SHISAL1: variants seen among roughly 807,000 people sequenced by gnomAD.
The protein encoded by SHISAL1 is protein shisa-like-1.
SHISAL1 carries 9 observed loss-of-function variants against 22.6 expected under a neutral mutation model. The ratio of observed to expected loss-of-function variants is 0.40; its 90% confidence interval spans 0.24 to 0.70. The LOEUF (loss-of-function observed/expected upper bound fraction) is 0.70. Among genes scored for constraint, SHISAL1 ranks in the 30% least tolerant of loss-of-function variants. SHISAL1 has a pLI of 0.39. For missense variants in SHISAL1, 246 were observed against 270.6 expected (o/e 0.91, Z 0.64); for synonymous variants, 119 against 115.4 (o/e 1.03, Z -0.20).
chr22:44,263,368 G>A (rs1191972445), intron 4 of SHISAL1, among the ~76,000 whole-genome samples: 1 of 152,134 alleles, frequency 6.6e-6, no homozygotes, highest in South Asian at 2.1e-4. Flanking sequence ...ACTGCACCCG[G>A]CCGCCTTCAC....
chr22:44,305,581 C>A (rs3918403), intron 1 of SHISAL1, among the ~76,000 whole-genome samples: 1 of 152,114 alleles, frequency 6.6e-6, no homozygotes, highest in Non-Finnish European at 1.5e-5. Context: ...TTAGGAGTTC[C>A]AGGGACTGGG....
At chr22:44,281,673 G>A (rs1350566029) in intron 4 of SHISAL1, among the ~76,000 whole-genome samples, 1 of 152,154 alleles carries the variant, frequency 6.6e-6, no homozygotes. Context: ...TGGGCCCTCA[G>A]GGGTTGTCCT....
At chr22:44,259,378 C>T (rs2055106370) in intron 4 of SHISAL1, among the ~76,000 whole-genome samples, 1 of 151,680 alleles carries the variant, frequency 6.6e-6, no homozygotes, top group African/African-American at 2.4e-5. Context: ...GCGGAGGTTG[C>T]AGTGAGCCGA....
intron 1 of SHISAL1, among the ~76,000 whole-genome samples, chr22:44,308,967 G>A (rs2055498477): frequency 1.3e-5 from 2 of 152,250 alleles, no homozygotes; most frequent in African/African-American, 2.4e-5. Context: ...CATTCTGGGT[G>A]TGAAGCGGCT....
chr22:44,264,847 G>A (rs1198540594), intron 4 of SHISAL1, among the ~76,000 whole-genome samples: 1 of 149,728 alleles, frequency 6.7e-6, no homozygotes, highest in Non-Finnish European at 1.5e-5. Context: ...ACACACCAGA[G>A]GCCCCAGCAA....
intron 4 of SHISAL1, among the ~76,000 whole-genome samples, chr22:44,253,457 G>C (rs9614409): frequency 0.37 from 50,566 of 137,956 alleles, 10,843 homozygotes; most frequent in African/African-American, 0.6. Context: ...TTGAGACAGT[G>C]TCACTCTGTC....
At chr22:44,302,564 G>A (rs933587501) in intron 1 of SHISAL1, among the ~76,000 whole-genome samples, 22 of 152,338 alleles carry the variant, frequency 1.4e-4, no homozygotes, top group South Asian at 2.1e-4. Context: ...TGAGTGAGGC[G>A]GGAGAGGCCA....
intron 2 of SHISAL1, among the ~76,000 whole-genome samples, chr22:44,297,872 G>C (rs2055398328): frequency 6.6e-6 from 1 of 152,234 alleles, no homozygotes. Context: ...GGCTTTGCAG[G>C]AGTTCCTCCA....
chr22:44,327,001 C>G, the SHISAL1 span, among the ~76,000 whole-genome samples: 6 of 152,082 alleles, frequency 3.9e-5, no homozygotes, highest in Non-Finnish European at 5.9e-5. Flanking sequence ...GCTTGAACAT[C>G]CTTGGCCCTC....
rs547558936 is a variant in SHISAL1, at chr22:44,265,149, A to G, written c.*-15464T>C. On this transcript the variant is annotated intron_variant, in intron 4 of 4. Transcript: ENST00000381176. ...GCAGCCCTAAGATGGCCTCCAAAGA[A>G]TCTACCTTCAGCTACTCACACCCTC... Among the ~76,000 whole-genome samples, 4 of 152,276 alleles carry G rather than the reference A, an allele frequency of 2.6e-5. No individual in the cohort carries two copies. The East Asian group carries it at 7.8e-4, about 30-fold the overall frequency.
At chr22:44,304,615 C>T (rs1392281699) in intron 1 of SHISAL1, among the ~76,000 whole-genome samples, 1 of 152,210 alleles carries the variant, frequency 6.6e-6, no homozygotes, top group African/African-American at 2.4e-5. Context: ...TTGCTCTGAG[C>T]CTGGGCCTCC....
intron 4 of SHISAL1, among the ~76,000 whole-genome samples, chr22:44,273,772 T>A (rs962582673): frequency 6.6e-6 from 1 of 152,064 alleles, no homozygotes; most frequent in Admixed American, 6.5e-5. Flanking sequence ...ACCAAGGAAC[T>A]GAAACGTGGG....
At chr22:44,280,408 GGT>G (rs1312188870) in intron 4 of SHISAL1, among the ~76,000 whole-genome samples, 1 of 152,176 alleles carries the variant, frequency 6.6e-6, no homozygotes, top group Non-Finnish European at 1.5e-5. Context: ...ATCCACACAA[GGT>G]GATGAGGTGT....
intron 3 of SHISAL1, among the ~76,000 whole-genome samples, chr22:44,289,752 G>A (rs2055340675): frequency 6.6e-6 from 1 of 152,202 alleles, no homozygotes; most frequent in Admixed American, 6.5e-5. Context: ...TCAGCCAGCT[G>A]GGAAGATTCA....
At chr22:44,320,348 G>T in the SHISAL1 span, among the ~76,000 whole-genome samples, 1 of 152,184 alleles carries the variant, frequency 6.6e-6, no homozygotes. Context: ...CCTATTGCCA[G>T]CCCAGAACTG....
chr22:44,288,812 T>C (rs1461696390), intron 3 of SHISAL1, among the ~76,000 whole-genome samples: 1 of 152,204 alleles, frequency 6.6e-6, no homozygotes, highest in Admixed American at 6.5e-5. Context: ...CAGGAAGCCT[T>C]CCTTGTCAGT....
intron 4 of SHISAL1, among the ~76,000 whole-genome samples, chr22:44,251,130 TTTA>T (rs543946971): frequency 6.0e-4 from 91 of 152,320 alleles, no homozygotes; most frequent in Admixed American, 2.1e-3. Context: ...ACTTGAATAG[TTTA>T]TTGTTTGTCT....
chr22:44,265,910 C>T (rs2055158293), intron 4 of SHISAL1, among the ~76,000 whole-genome samples: 1 of 152,204 alleles, frequency 6.6e-6, no homozygotes, highest in Non-Finnish European at 1.5e-5. Flanking sequence ...CAGTAAGCCT[C>T]TGGGGGTTCC....
the SHISAL1 span, among the ~76,000 whole-genome samples, chr22:44,318,775 C>CA: frequency 1.3e-5 from 2 of 152,390 alleles, no homozygotes; most frequent in South Asian, 4.1e-4. Flanking sequence ...AGGTGAGTAG[C>CA]ACAGTGACCC....
Sources: allele counts gnomAD v4.1 joint callset (sites outside exome capture counted in the v4.1 genomes callset), GRCh38; gene constraint gnomAD v4.1.1; transcripts MANE v1.5; gene names NCBI Gene and HGNC (gene_info 2026-07-23, HGNC 2026-07-21).